MAP3K7CL: variants seen among roughly 807,000 people sequenced by gnomAD.
MAP3K7CL encodes MAP3K7 C-terminal-like protein.
Under a neutral mutation model 18.6 loss-of-function variants are expected in MAP3K7CL, and 16 were observed. That is an observed-to-expected ratio of 0.86 (90% CI 0.58 to 1.31). The LOEUF is 1.31. Ranked by LOEUF, MAP3K7CL falls within the 50% of genes most tolerant of loss-of-function variation. The pLI is 0.00. For synonymous variants in MAP3K7CL, 65 were observed against 66.8 expected (o/e 0.97, Z 0.13); for missense variants, 163 against 174.4 (o/e 0.93, Z 0.37).
At chr21:29,092,252 G>C in intron 3 of MAP3K7CL, 1 of 595,794 alleles carries the variant, frequency 1.7e-6, no homozygotes. Context: ...CCAGGATTCT[G>C]AGTCCAAGCC....
intron 4 of MAP3K7CL, among the ~76,000 whole-genome samples, chr21:29,161,225 G>A (rs1355971829): frequency 4.6e-5 from 7 of 152,088 alleles, no homozygotes; most frequent in African/African-American, 9.7e-5. Context: ...CAGGAGAATC[G>A]CTTGAACCTG....
Position 29,154,732 on chromosome 21 carries a change from T to C in MAP3K7CL, c.133-5209T>C, listed in dbSNP as rs542087153. On this transcript the variant is annotated intron_variant, in intron 3 of 4. Coordinates refer to ENST00000399928, the MANE Select transcript of MAP3K7CL (RefSeq NM_001286620.2). ...CTTTAACATCCATCTGGAAATGTGG[T>C]TAGGGTATATTCTCATAGAAAGCAC... Among the ~76,000 whole-genome samples, 10 of 152,322 alleles carry C rather than the reference T, an allele frequency of 6.6e-5. No individual in the cohort carries two copies. The South Asian group carries it at 2.1e-3, about 32-fold the overall frequency.
chr21:29,081,492 G>A (rs1455651251), upstream of MAP3K7CL, among the ~76,000 whole-genome samples: 1 of 152,244 alleles, frequency 6.6e-6, no homozygotes, highest in Non-Finnish European at 1.5e-5. Flanking sequence ...GGCGGAGTTG[G>A]CAGTGAGCCG....
chr21:29,161,048 C>T (rs1251830428), intron 4 of MAP3K7CL, among the ~76,000 whole-genome samples: 2 of 152,228 alleles, frequency 1.3e-5, no homozygotes, highest in Admixed American at 6.5e-5. Flanking sequence ...CAGTGGCCCA[C>T]GCCTATAATC....
At chr21:29,170,031 C>G (rs1601282504) in intron 4 of MAP3K7CL, among the ~76,000 whole-genome samples, 1 of 152,280 alleles carries the variant, frequency 6.6e-6, no homozygotes, top group African/African-American at 2.4e-5. Context: ...CAAATAGAAC[C>G]AATAAATCAA....
At chr21:29,117,505 ACTC>A (rs1385794042) in intron 4 of MAP3K7CL, among the ~76,000 whole-genome samples, 7 of 152,312 alleles carry the variant, frequency 4.6e-5, no homozygotes, top group Admixed American at 1.3e-4. Context: ...GTATTGGACA[ACTC>A]CTGTGAATTG....
intron 1 of MAP3K7CL, among the ~76,000 whole-genome samples, chr21:29,086,894 G>A (rs2085934441): frequency 6.6e-6 from 1 of 152,166 alleles, no homozygotes; most frequent in Non-Finnish European, 1.5e-5. Context: ...ATTGTGCTGA[G>A]TGCTTTATGC....
At chr21:29,078,020 G>A (rs1433286405) in intron 1 of MAP3K7CL, among the ~76,000 whole-genome samples, 1 of 151,972 alleles carries the variant, frequency 6.6e-6, no homozygotes, top group Non-Finnish European at 1.5e-5. Flanking sequence ...TTCATTTTTT[G>A]TTTGTGTTAA....
At position 29,133,327 on chromosome 21, in the gene MAP3K7CL, G is replaced by T; in HGVS notation, c.-18G>T. The T allele has an allele frequency of 6.5e-7, 1 of 1,550,354 alleles. No individual in the cohort carries two copies. Among genetic ancestry groups the T allele is most frequent in the Non-Finnish European group, 8.7e-7 (1 of 1,146,850 alleles). On this transcript the variant is annotated 5_prime_UTR_variant, in exon 2 of 5. Transcript: ENST00000399928. The stretch of plus-strand genomic sequence containing the variant: ...ACAGCTGGAAGACCCAGGAGAAGGC[G>T]GAGGCTCAGGTGCCCACATGATCAG...
intron 4 of MAP3K7CL, chr21:29,109,296 C>T: frequency 2.0e-6 from 3 of 1,479,086 alleles, no homozygotes; most frequent in Admixed American, 2.2e-5. Context: ...ATTTTGTGCC[C>T]ATTTAATTAA....
upstream of MAP3K7CL, chr21:29,085,742 T>G: frequency 1.1e-6 from 1 of 919,786 alleles, no homozygotes; most frequent in Non-Finnish European, 1.8e-6. Flanking sequence ...GCCAACGGCA[T>G]GGTTAGTATG....
chr21:29,113,633 C>G (rs2086456714), intron 4 of MAP3K7CL, among the ~76,000 whole-genome samples: 1 of 152,192 alleles, frequency 6.6e-6, no homozygotes, highest in Non-Finnish European at 1.5e-5. Flanking sequence ...TCAAGCAATT[C>G]TCCTGCCTCA....
At chr21:29,145,046 T>G (rs907760455) in intron 2 of MAP3K7CL, among the ~76,000 whole-genome samples, 1 of 152,224 alleles carries the variant, frequency 6.6e-6, no homozygotes, top group Admixed American at 6.5e-5. Flanking sequence ...TTATATTTCA[T>G]CCTTTAAAAA....
At chr21:29,113,398 C>A (rs191001098) in intron 4 of MAP3K7CL, among the ~76,000 whole-genome samples, 1 of 152,318 alleles carries the variant, frequency 6.6e-6, no homozygotes. Context: ...TGAATTTGGA[C>A]TTCCTTCACT....
Position 29,174,917 on chromosome 21 carries a change from A to G in MAP3K7CL, c.*25A>G. On this transcript the variant is annotated 3_prime_UTR_variant, in exon 5 of 5. Transcript: ENST00000399928. ...ACTTTAAATTTTTCAGTGTGAGCATACGAGGCTGATGACTGCCCTGTGCTG... is the reference window on the plus strand; with the variant it reads ...ACTTTAAATTTTTCAGTGTGAGCATGCGAGGCTGATGACTGCCCTGTGCTG... 1.2e-6 allele frequency: 2 copies of G among 1,608,352 alleles called. No homozygotes were observed. Among genetic ancestry groups the G allele is most frequent in the South Asian group, 1.1e-5 (1 of 90,408 alleles).
chr21:29,115,733 G>T (rs768989786), intron 4 of MAP3K7CL, among the ~76,000 whole-genome samples: 2 of 152,176 alleles, frequency 1.3e-5, no homozygotes, highest in African/African-American at 4.8e-5. Flanking sequence ...CTTTCAAGAC[G>T]GCAGCAGCAT....
In MAP3K7CL at chr21:29,160,074, T is replaced by A. The variant is rs373032519; in HGVS notation, c.248+18T>A. On this transcript the variant is annotated intron_variant, in intron 4 of 4. Transcript: ENST00000399928. ...CAAAGGAAGTAAGTACCTACCCCCC[T>A]CACTCTACATCTGAGCACTGCCTAC... 1.3e-6 allele frequency: 2 copies of A among 1,587,726 alleles called. No homozygotes were observed. The highest frequency in any genetic ancestry group is 2.7e-5 in the African/African-American group (2 of 74,354).
At chr21:29,155,731 A>G (rs2087387277) in intron 3 of MAP3K7CL, among the ~76,000 whole-genome samples, 2 of 152,130 alleles carry the variant, frequency 1.3e-5, no homozygotes, top group South Asian at 4.1e-4. Flanking sequence ...TGCGAGCTCC[A>G]TCCTCAGGCG....
At chr21:29,125,751 C>T (rs1246285829), upstream of MAP3K7CL, among the ~76,000 whole-genome samples, 1 of 152,180 alleles carries the variant, frequency 6.6e-6, no homozygotes, top group African/African-American at 2.4e-5. Context: ...GTTAGCACTG[C>T]AAGAAGGCTT....
Sources: gnomAD v4.1 joint callset for allele counts (sites outside exome capture counted in the v4.1 genomes callset) on GRCh38, gnomAD v4.1.1 for gene constraint, MANE v1.5 for transcripts, NCBI Gene and HGNC (gene_info 2026-07-23, HGNC 2026-07-21) for gene names.